Variants in HTT observed in about 807,000 individuals in gnomAD.
HTT encodes huntingtin, also known as huntington disease protein.
In HTT, 104 loss-of-function variants were observed where a neutral mutation model predicts 362.3. The ratio of observed to expected loss-of-function variants is 0.29; its 90% CI spans 0.24 to 0.34. The LOEUF (loss-of-function observed/expected upper bound fraction) is 0.34. Ranked by LOEUF, HTT falls within the 10% of genes least tolerant of loss-of-function variation. HTT has a pLI of 1.00. For synonymous variants in HTT, 1,577 were observed against 1,548.7 expected, an observed-to-expected ratio of 1.02 and a Z score of -0.43; for missense variants, 3,301 against 3,928.6, an observed-to-expected ratio of 0.84 and a Z score of 4.27.
At chr4:3,088,152 C>T (rs1253273107) in intron 2 of HTT, among the ~76,000 whole-genome samples, 1 of 140,854 alleles carries the variant, frequency 7.1e-6, no homozygotes, top group Non-Finnish European at 1.5e-5. Context: ...TTTGTTTTTT[C>T]AAAAAATTTC....
chr4:3,233,087 C>T lies in HTT; in HGVS notation c.8266-76C>T, dbSNP rs902884985. The T allele has an allele frequency of 1.2e-4, 156 of 1,292,816 alleles. 1 individual carries two copies. Among genetic ancestry groups the T allele is most frequent in the African/African-American group, 2.3e-4 (16 of 68,710 alleles). 80.1% of individuals were successfully genotyped at this position (1,292,816 alleles called of 1,614,324 possible). On this transcript the variant is annotated intron_variant, in intron 60 of 66. Coordinates refer to ENST00000355072, the MANE Select transcript of HTT (RefSeq NM_001388492.1). Reference sequence around the variant, plus strand: ...CACACAAGCGTGAGGGCAGCGCCCCCGCCTCGGCTGTGGGGAGGAGCCACT... The same window carrying T: ...CACACAAGCGTGAGGGCAGCGCCCCTGCCTCGGCTGTGGGGAGGAGCCACT...
At chr4:3,103,399 A>AT (rs1400582564) in intron 3 of HTT, among the ~76,000 whole-genome samples, 18 of 150,776 alleles carry the variant, frequency 1.2e-4, no homozygotes, top group African/African-American at 1.2e-4. Context: ...TAATTTTTGT[A>AT]TTTTTTAGTA....
At chr4:3,211,518 A>G (rs1439777935) in intron 47 of HTT, among the ~76,000 whole-genome samples, 1 of 152,206 alleles carries the variant, frequency 6.6e-6, no homozygotes, top group Non-Finnish European at 1.5e-5. Flanking sequence ...TCATATGGCT[A>G]CTTTTACGTA....
chr4:3,225,811 C>T, intron 57 of HTT, 68 bp downstream of exon 57: 2 of 1,159,602 alleles, frequency 1.7e-6, no homozygotes, highest in Non-Finnish European at 2.5e-6. Flanking sequence ...GCTTGACACA[C>T]CCAGGAGAAA....
At chr4:3,137,197 C>T (rs1303602187) in intron 21 of HTT, among the ~76,000 whole-genome samples, 2 of 151,930 alleles carry the variant, frequency 1.3e-5, no homozygotes, top group Admixed American at 1.3e-4. Flanking sequence ...TGAGCCATGG[C>T]GCCTGGCCAG....
chr4:3,219,073 G>A (rs760528045), intron 52 of HTT, among the ~76,000 whole-genome samples: 1 of 152,208 alleles, frequency 6.6e-6, no homozygotes, highest in Non-Finnish European at 1.5e-5. Flanking sequence ...GGCTTATTCC[G>A]AAGAAGAGGC....
intron 1 of HTT, among the ~76,000 whole-genome samples, chr4:3,086,525 G>A (rs951080660): frequency 1.3e-5 from 2 of 152,168 alleles, no homozygotes; most frequent in Non-Finnish European, 2.9e-5. Context: ...GAAAAAATTA[G>A]CCAGGCCCAG....
intron 64 of HTT, among the ~76,000 whole-genome samples, chr4:3,237,319 C>T (rs1378988783): frequency 6.6e-6 from 1 of 152,162 alleles, no homozygotes; most frequent in Admixed American, 6.5e-5. Context: ...AGTGATCCAC[C>T]CTCCTTGGCC....
chr4:3,174,114 G>A (rs1266076317), intron 31 of HTT, among the ~76,000 whole-genome samples: 1 of 151,992 alleles, frequency 6.6e-6, no homozygotes, highest in East Asian at 1.9e-4. Context: ...TATAAATTTA[G>A]CGATTAAATA....
intron 59 of HTT, 57 bp downstream of exon 59, chr4:3,229,066 CCACACACCCCACACA>C (rs1003975809): frequency 6.0e-6 from 9 of 1,508,384 alleles, no homozygotes; most frequent in African/African-American, 2.8e-5. Context: ...ACCACACACG[CCACACACCCCACACA>C]CACACACCGC....
At chr4:3,136,743 T>G (rs1293271502) in intron 21 of HTT, among the ~76,000 whole-genome samples, 1 of 152,198 alleles carries the variant, frequency 6.6e-6, no homozygotes, top group Admixed American at 6.5e-5. Context: ...AATATTTTAT[T>G]AGCATTTTCC....
intron 40 of HTT, among the ~76,000 whole-genome samples, chr4:3,193,806 T>A (rs555052345): frequency 1.3e-5 from 2 of 152,320 alleles, no homozygotes; most frequent in African/African-American, 4.8e-5. Flanking sequence ...GGCTCCTGTA[T>A]GAGACAGTGC....
At chr4:3,155,416 G>T (rs532363312) in intron 27 of HTT, among the ~76,000 whole-genome samples, 2 of 150,598 alleles carry the variant, frequency 1.3e-5, no homozygotes, top group African/African-American at 4.9e-5. Flanking sequence ...TAGTGGAGAC[G>T]GGGTTTCACC....
chr4:3,135,904 G>A lies in HTT; in HGVS notation c.2634G>A (p.Arg878=). 1.2e-6 allele frequency: 2 copies of A among 1,601,036 alleles called. No homozygotes were observed. The highest frequency in any genetic ancestry group is 1.7e-6 in the Non-Finnish European group (2 of 1,175,198). The change falls in exon 20 of 67, where the codon AGG becomes AGA. Residue 878 remains arginine, a splice_region_variant and synonymous_variant. Transcript: ENST00000355072. ...ATTGTTAAATGTGCTCTTTTGTTAG[G>A]CTGGTGAGCTTTTTGGAGGCAAAAG... ...LLETLAEIDF[R]LVSFLEAKAE...
At chr4:3,236,794 T>G (rs192010693) in intron 64 of HTT, among the ~76,000 whole-genome samples, 1 of 150,898 alleles carries the variant, frequency 6.6e-6, no homozygotes. Flanking sequence ...GTGCATAGAA[T>G]TGGCTTCCCT....
At chr4:3,237,779 C>G (rs1287312395) in intron 64 of HTT, among the ~76,000 whole-genome samples, 1 of 152,028 alleles carries the variant, frequency 6.6e-6, no homozygotes, top group African/African-American at 2.4e-5. Context: ...ACTGATGAGA[C>G]GGGAACGTGA....
chr4:3,089,999 T>G (rs569053345), intron 2 of HTT, among the ~76,000 whole-genome samples: 1 of 152,332 alleles, frequency 6.6e-6, no homozygotes, highest in Non-Finnish European at 1.5e-5. Context: ...CTCTATACTT[T>G]TTAGGGATTT....
intron 2 of HTT, among the ~76,000 whole-genome samples, chr4:3,095,828 A>G (rs1030420969): frequency 5.9e-5 from 9 of 152,238 alleles, no homozygotes; most frequent in African/African-American, 2.2e-4. Flanking sequence ...AATCCCAAAG[A>G]AGCCAGAAAT....
rs190948966 is a variant in HTT, at chr4:3,085,282, C to T, written c.264-1657C>T. Among the ~76,000 whole-genome samples, 256 of 152,018 alleles carry T rather than the reference C, an allele frequency of 1.7e-3. 2 individuals carry two copies. The highest frequency in any genetic ancestry group is 3.0e-3 in the Admixed American group (46 of 15,242). ...CCTCCCGAGTAGCTGGGATTATAGG[C>T]GCCCGCCACCACGCCCAACTATTTT... On this transcript the variant is annotated intron_variant, in intron 1 of 66. Coordinates refer to ENST00000355072, the MANE Select transcript of HTT (RefSeq NM_001388492.1).
Sources: allele counts gnomAD v4.1 joint callset (sites outside exome capture counted in the v4.1 genomes callset), GRCh38; gene constraint gnomAD v4.1.1; transcripts MANE v1.5; gene names NCBI Gene and HGNC (gene_info 2026-07-23, HGNC 2026-07-21).